KLHL1: variants seen among roughly 807,000 people sequenced by gnomAD.
The protein encoded by KLHL1 is kelch-like protein 1.
Under a neutral mutation model 77.7 loss-of-function variants are expected in KLHL1, and 47 were observed. The ratio of observed to expected loss-of-function variants is 0.60; its 90% CI spans 0.48 to 0.77. The LOEUF (loss-of-function observed/expected upper bound fraction) is 0.77, where lower values mean the gene tolerates loss of function less well. KLHL1 is among the 30% of genes least tolerant of loss of function. The probability of loss-of-function intolerance (pLI) is 0.00; values close to 1 mark genes in which losing one functional copy is unlikely to be tolerated. For synonymous variants in KLHL1, 360 were observed against 325.2 expected (o/e 1.11, Z -1.15); for missense variants, 925 against 910.8 (o/e 1.02, Z -0.20).
intron 2 of KLHL1, among the ~76,000 whole-genome samples, chr13:69,966,106 G>C (rs550057145): frequency 6.6e-6 from 1 of 152,250 alleles, no homozygotes; most frequent in African/African-American, 2.4e-5. Context: ...TGCAGCTTCT[G>C]TGATCATTGA....
At position 69,701,597 on chromosome 13, in the gene KLHL1, C is replaced by T. The variant is rs1044303243; in HGVS notation, c.*105G>A. 5.2e-6 allele frequency: 4 copies of T among 762,314 alleles called. No homozygotes were observed. The African/African-American group carries it at 5.4e-5, about 10-fold the overall frequency. 47.2% of individuals were successfully genotyped at this position (762,314 alleles called of 1,614,324 possible). A position where few individuals can be genotyped will look rare whatever the true frequency, so the allele number is the denominator to read the frequency against. The stretch of plus-strand genomic sequence containing the variant: ...ATCAGTAGGTAACGCTACAGAGATC[C>T]TTGTTCTTGAAGAGTTTTCATCTCT... On this transcript the variant is annotated 3_prime_UTR_variant, in exon 11 of 11. Coordinates refer to ENST00000377844, the MANE Select transcript of KLHL1 (RefSeq NM_020866.3).
intron 7 of KLHL1, among the ~76,000 whole-genome samples, chr13:69,759,728 C>T (rs1874932410): frequency 6.6e-6 from 1 of 152,174 alleles, no homozygotes; most frequent in Admixed American, 6.5e-5. Flanking sequence ...ACAGGGATGA[C>T]TTTTAGGTGA....
At position 69,932,415 on chromosome 13, in the gene KLHL1, A is replaced by G. The variant is rs1227698349; in HGVS notation, c.1014+7625T>C. 2.6e-5 allele frequency among the ~76,000 whole-genome samples: 4 copies of G among 151,956 alleles called. No individual in the cohort carries two copies. In the East Asian group the frequency reaches 7.7e-4, roughly 29 times the overall value. ...TGACATTTCTTCCTTCTGACATATC[A>G]TAAGAAGTCCTTTTAGAATCACTCT... On this transcript the variant is annotated intron_variant, in intron 4 of 10. Coordinates refer to ENST00000377844, the MANE Select transcript of KLHL1 (RefSeq NM_020866.3).
chr13:69,871,660 C>T (rs905051684), intron 5 of KLHL1, among the ~76,000 whole-genome samples: 1 of 151,980 alleles, frequency 6.6e-6, no homozygotes, highest in Non-Finnish European at 1.5e-5. Flanking sequence ...CCACAATCTA[C>T]CCTACATCAT....
At chr13:70,001,025 G>T (rs1044449684) in intron 1 of KLHL1, among the ~76,000 whole-genome samples, 20 of 151,130 alleles carry the variant, frequency 1.3e-4, no homozygotes, top group African/African-American at 4.6e-4. Context: ...GATAGAAATA[G>T]AAGATATTAG....
At chr13:70,083,718 T>G (rs1191320591) in intron 1 of KLHL1, among the ~76,000 whole-genome samples, 1 of 152,152 alleles carries the variant, frequency 6.6e-6, no homozygotes, top group Non-Finnish European at 1.5e-5. Context: ...TGTAATTATA[T>G]ACGAATTAAT....
intron 7 of KLHL1, among the ~76,000 whole-genome samples, chr13:69,752,019 T>A (rs1054593775): frequency 6.6e-6 from 1 of 152,202 alleles, no homozygotes; most frequent in African/African-American, 2.4e-5. Flanking sequence ...TTATTTAGCT[T>A]CTTGTGCCTC....
intron 4 of KLHL1, among the ~76,000 whole-genome samples, chr13:69,939,204 T>C (rs1309539034): frequency 6.6e-6 from 1 of 150,992 alleles, no homozygotes; most frequent in African/African-American, 2.4e-5. Context: ...AACTGGTTAT[T>C]CTATCCTAGA....
At chr13:69,801,051 G>A (rs570247910) in intron 6 of KLHL1, among the ~76,000 whole-genome samples, 1 of 152,128 alleles carries the variant, frequency 6.6e-6, no homozygotes, top group Non-Finnish European at 1.5e-5. Context: ...TACATTATTC[G>A]GGTGATGACT....
chr13:70,065,580 G>T (rs535882066), intron 1 of KLHL1, among the ~76,000 whole-genome samples: 1 of 152,274 alleles, frequency 6.6e-6, no homozygotes, highest in African/African-American at 2.4e-5. Flanking sequence ...AAGACATCTT[G>T]CAGCAGCAAT....
chr13:70,047,758 C>A (rs1886538394), intron 1 of KLHL1, among the ~76,000 whole-genome samples: 1 of 152,164 alleles, frequency 6.6e-6, no homozygotes, highest in African/African-American at 2.4e-5. Context: ...TTTCCTCCTT[C>A]CTTGCGTGTT....
At chr13:69,922,311 A>T (rs1439735917) in intron 4 of KLHL1, among the ~76,000 whole-genome samples, 1 of 152,136 alleles carries the variant, frequency 6.6e-6, no homozygotes, top group Non-Finnish European at 1.5e-5. Context: ...AAGATAAGGC[A>T]TATTTGGTAG....
rs371733281 is a variant in KLHL1 at position 69,761,945 on chromosome 13, AC to A, written c.1640-21390del. Among the ~76,000 whole-genome samples the A allele has an allele frequency of 1.2e-3, 186 of 152,266 alleles. 2 individuals carry two copies. The highest frequency in any genetic ancestry group is 4.4e-3 in the African/African-American group (181 of 41,554). ...TTATGATCAATCTTTAGTTTGTCAA[AC>A]CCATAATTGTTGAAAGATAATCACA... is the stretch of plus-strand genomic sequence containing the variant. On this transcript the variant is annotated intron_variant, in intron 7 of 10. Transcript: ENST00000377844.
chr13:69,760,926 T>C lies in KLHL1; in HGVS notation c.1640-20370A>G, dbSNP rs1874990934. ...CTGATTGCTGCTTCTGGGGCCTAAT[T>C]CTGGGAGCTTTGGAATCAGAGAGAA... On this transcript the variant is annotated intron_variant, in intron 7 of 10. Transcript: ENST00000377844. 2.6e-5 allele frequency among the ~76,000 whole-genome samples: 4 copies of C among 152,122 alleles called. No homozygotes were observed. The South Asian group carries it at 8.3e-4, about 31-fold the overall frequency.
chr13:69,741,219 C>T (rs565691860), intron 7 of KLHL1, among the ~76,000 whole-genome samples: 29 of 152,198 alleles, frequency 1.9e-4, no homozygotes, highest in Non-Finnish European at 3.7e-4. Flanking sequence ...ATAACTAGTA[C>T]TCATTGCTTT....
At chr13:70,009,064 G>C (rs1267974458) in intron 1 of KLHL1, among the ~76,000 whole-genome samples, 2 of 151,976 alleles carry the variant, frequency 1.3e-5, no homozygotes, top group South Asian at 4.1e-4. Flanking sequence ...GAATAATTGG[G>C]GGGTTTTGAA....
intron 8 of KLHL1, among the ~76,000 whole-genome samples, chr13:69,736,879 T>C (rs1244255274): frequency 6.6e-6 from 1 of 151,996 alleles, no homozygotes; most frequent in Non-Finnish European, 1.5e-5. Flanking sequence ...GGCATAAGAA[T>C]GAGACAATAG....
chr13:69,823,655 C>T (rs968818034), intron 6 of KLHL1, among the ~76,000 whole-genome samples: 1 of 151,892 alleles, frequency 6.6e-6, no homozygotes, highest in Non-Finnish European at 1.5e-5. Context: ...GTATAAGTCA[C>T]TTTTATACAA....
rs191858561 is a variant in KLHL1, at chr13:69,710,916, C to A, written c.2016-3120G>T. 3.5e-4 allele frequency among the ~76,000 whole-genome samples: 53 copies of A among 151,806 alleles called. 1 individual carries two copies. The highest frequency in any genetic ancestry group is 1.3e-3 in the African/African-American group (53 of 41,386). ...GCCTTCCTGGTCAGAGTGTGAGCTC[C>A]GTATCAGAGACTCTATTAAGGTTTA... On this transcript the variant is annotated intron_variant, in intron 9 of 10. Transcript: ENST00000377844.
Sources: allele counts gnomAD v4.1 joint callset (sites outside exome capture counted in the v4.1 genomes callset), GRCh38; gene constraint gnomAD v4.1.1; transcripts MANE v1.5; gene names NCBI Gene and HGNC (gene_info 2026-07-23, HGNC 2026-07-21).